Variants in PTK2 observed in about 807,000 individuals in gnomAD.
PTK2 encodes the protein protein tyrosine kinase 2.
A neutral mutation model predicts 150.1 loss-of-function variants in PTK2; 45 were observed. The observed-to-expected ratio is 0.30, with a 90% CI of 0.24 to 0.38. The LOEUF is 0.38. Among genes scored for constraint, PTK2 ranks in the 10% least tolerant of loss-of-function variants. The pLI is 1.00. For missense variants in PTK2, 919 were observed against 1,307.3 expected (o/e 0.70, Z 4.58); for synonymous variants, 432 against 449.2 (o/e 0.96, Z 0.48).
At chr8:140,752,134 A>C (rs2100063073) in intron 17 of PTK2, 98 bp downstream of exon 20, 5 of 1,054,016 alleles carry the variant, frequency 4.7e-6, no homozygotes, top group Non-Finnish European at 5.8e-6. Context: ...GTTGTCTCCT[A>C]AAAGTCAAAA....
chr8:140,993,314 C>T (rs2100196440), intron 1 of PTK2, among the ~76,000 whole-genome samples: 1 of 152,186 alleles, frequency 6.6e-6, no homozygotes, highest in South Asian at 2.1e-4. Flanking sequence ...TGCCTGGCCC[C>T]TATGTGATTT....
At chr8:140,679,003 G>GGTTTTTTTTTTTTT (rs2100015509) in intron 27 of PTK2, among the ~76,000 whole-genome samples, 1 of 68,988 alleles carries the variant, frequency 1.4e-5, no homozygotes, top group Non-Finnish European at 2.5e-5. Flanking sequence ...TGCTCCCCAT[G>GGTTTTTTTTTTTTT]TTTTTTTTTT....
chr8:140,850,109 A>G (rs1248961859), intron 5 of PTK2, among the ~76,000 whole-genome samples: 1 of 150,778 alleles, frequency 6.6e-6, no homozygotes, highest in African/African-American at 2.4e-5. Flanking sequence ...AAAAAAAAAG[A>G]CTTCTGAAAG....
Position 140,895,569 on chromosome 8 carries a change from C to T in PTK2, c.-32-4800G>A, listed in dbSNP as rs184354189. ...CGTATTTAAATTCATGTATTAGAAG[C>T]GAAGGTTGAGTATCTCTAAGAATAC... On this transcript the variant is annotated intron_variant, in intron 2 of 31. Coordinates refer to ENST00000522684, the Ensembl canonical transcript of PTK2. Among the ~76,000 whole-genome samples, 69 of 151,062 alleles carry T rather than the reference C, an allele frequency of 4.6e-4. 2 individuals are homozygous for T. Among genetic ancestry groups the T allele is most frequent in the East Asian group, 3.7e-3 (19 of 5,168 alleles).
chr8:140,758,589 G>A (rs1037668286), intron 16 of PTK2, among the ~76,000 whole-genome samples: 2 of 152,094 alleles, frequency 1.3e-5, no homozygotes, highest in African/African-American at 4.8e-5. Flanking sequence ...TCTCAACACT[G>A]TGTAGGCCTA....
chr8:140,806,401 A>G (rs2100098214), intron 10 of PTK2, among the ~76,000 whole-genome samples: 1 of 152,208 alleles, frequency 6.6e-6, no homozygotes, highest in African/African-American at 2.4e-5. Flanking sequence ...CACGTACGTA[A>G]CAGAGGATGT....
At chr8:140,710,329 CAAAA>C (rs71308985) in intron 23 of PTK2, among the ~76,000 whole-genome samples, 72 of 111,538 alleles carry the variant, frequency 6.5e-4, no homozygotes, top group African/African-American at 1.9e-3. Flanking sequence ...GACCTTGTCT[CAAAA>C]AAAAAAAAAA....
At chr8:140,883,329 G>A (rs550389837) in intron 3 of PTK2, among the ~76,000 whole-genome samples, 1 of 152,196 alleles carries the variant, frequency 6.6e-6, no homozygotes, top group Non-Finnish European at 1.5e-5. Context: ...CAATGAACAT[G>A]TGCAAATGAG....
intron 1 of PTK2, among the ~76,000 whole-genome samples, chr8:140,961,479 G>A (rs1350524067): frequency 1.3e-5 from 2 of 152,018 alleles, no homozygotes; most frequent in Non-Finnish European, 2.9e-5. Context: ...GGCTAACACA[G>A]TGAAACCCTG....
At chr8:140,798,703 A>G (rs1269904405) in intron 12 of PTK2, among the ~76,000 whole-genome samples, 2 of 152,218 alleles carry the variant, frequency 1.3e-5, no homozygotes, top group African/African-American at 4.8e-5. Context: ...ATAAAAGATG[A>G]AAAATTATTC....
At chr8:140,680,582 C>T (rs2100016397) in intron 27 of PTK2, among the ~76,000 whole-genome samples, 1 of 152,178 alleles carries the variant, frequency 6.6e-6, no homozygotes, top group Non-Finnish European at 1.5e-5. Context: ...GTGGGCCACA[C>T]ACTGGAACAC....
chr8:140,993,311 C>T (rs2100196438), intron 1 of PTK2, among the ~76,000 whole-genome samples: 1 of 152,206 alleles, frequency 6.6e-6, no homozygotes, highest in Non-Finnish European at 1.5e-5. Flanking sequence ...CCGTGCCTGG[C>T]CCCTATGTGA....
In PTK2 at chr8:140,979,185, C is replaced by T. The variant is rs534182364; in HGVS notation, c.-122+21940G>A. On this transcript the variant is annotated intron_variant, in intron 1 of 31. Coordinates refer to ENST00000522684, the Ensembl canonical transcript of PTK2. Reference sequence around the variant, plus strand: ...AAATGACAAGTTAATGGGTGCAGCACACCAACATGGCACATGTATACATAT... The same window carrying T: ...AAATGACAAGTTAATGGGTGCAGCATACCAACATGGCACATGTATACATAT... Among the ~76,000 whole-genome samples the T allele has an allele frequency of 6.6e-5, 10 of 150,684 alleles. No homozygotes were observed. The South Asian group carries it at 1.7e-3, about 25-fold the overall frequency.
intron 5 of PTK2, among the ~76,000 whole-genome samples, chr8:140,852,953 C>T (rs746587171): frequency 2.0e-5 from 3 of 152,182 alleles, no homozygotes; most frequent in Admixed American, 6.5e-5. Context: ...TACCTGAAGA[C>T]GGCCACAATT....
At chr8:140,972,867 A>G (rs192638449) in intron 1 of PTK2, among the ~76,000 whole-genome samples, 3 of 152,088 alleles carry the variant, frequency 2.0e-5, no homozygotes, top group African/African-American at 7.2e-5. Context: ...ATTTCACCCT[A>G]TGGATTTTAC....
intron 2 of PTK2, among the ~76,000 whole-genome samples, chr8:140,924,257 C>T (rs959549096): frequency 3.9e-5 from 6 of 152,096 alleles, no homozygotes; most frequent in African/African-American, 1.4e-4. Context: ...GCTCAAATGT[C>T]GCCTACTCAA....
intron 13 of PTK2, among the ~76,000 whole-genome samples, chr8:140,792,227 C>G (rs538734126): frequency 1.4e-4 from 22 of 152,318 alleles, no homozygotes; most frequent in African/African-American, 5.1e-4. Flanking sequence ...GTGGTTTATG[C>G]TGAACTCTTG....
At chr8:140,742,086 T>C (rs2100056058) in intron 20 of PTK2, among the ~76,000 whole-genome samples, 1 of 152,018 alleles carries the variant, frequency 6.6e-6, no homozygotes, top group East Asian at 1.9e-4. Flanking sequence ...TAATGAGCCA[T>C]GTTTGCGCCA....
chr8:140,875,509 G>A (rs1263942872), intron 4 of PTK2, among the ~76,000 whole-genome samples: 2 of 152,158 alleles, frequency 1.3e-5, no homozygotes, highest in African/African-American at 2.4e-5. Context: ...GATAAGGACT[G>A]TGAGGTCATC....
Sources: allele counts gnomAD v4.1 joint callset (sites outside exome capture counted in the v4.1 genomes callset), GRCh38; gene constraint gnomAD v4.1.1; transcripts MANE v1.5; gene names NCBI Gene and HGNC (gene_info 2026-07-23, HGNC 2026-07-21).